The following FAM229B variants were observed in gnomAD, a reference collection of about 807,000 sequenced individuals.
The protein encoded by FAM229B is family with sequence similarity 229 member B.
In FAM229B, 2 loss-of-function variants were observed where a neutral mutation model predicts 6.7. That is an observed-to-expected ratio of 0.30 (90% CI 0.12 to 0.94). The LOEUF (loss-of-function observed/expected upper bound fraction) is 0.94, where lower values mean the gene tolerates loss of function less well. Among genes scored for constraint, FAM229B ranks in the 40% least tolerant of loss-of-function variants. FAM229B has a pLI of 0.54. For synonymous variants in FAM229B, 29 were observed against 34.0 expected (o/e 0.85, Z 0.51); for missense variants, 93 against 96.2 (o/e 0.97, Z 0.14).
At chr6:112,089,941 C>G (rs1390303239) in intron 1 of FAM229B, among the ~76,000 whole-genome samples, 3 of 151,992 alleles carry the variant, frequency 2.0e-5, no homozygotes, top group Non-Finnish European at 4.4e-5. Flanking sequence ...AAAATCAACA[C>G]CAAGACATGC....
chr6:112,088,567 A>G (rs1372330982), intron 1 of FAM229B, among the ~76,000 whole-genome samples: 1 of 152,190 alleles, frequency 6.6e-6, no homozygotes, highest in African/African-American at 2.4e-5. Context: ...CCACCAAGAC[A>G]CGTAGTAGTT....
chr6:112,091,439 C>T (rs1197232521), intron 1 of FAM229B, among the ~76,000 whole-genome samples: 1 of 152,048 alleles, frequency 6.6e-6, no homozygotes, highest in African/African-American at 2.4e-5. Context: ...TCACATTCCC[C>T]GTATCTTGAG....
At chr6:112,096,237 A>G (rs1160807855) in intron 1 of FAM229B, among the ~76,000 whole-genome samples, 2 of 152,194 alleles carry the variant, frequency 1.3e-5, no homozygotes, top group Non-Finnish European at 2.9e-5. Flanking sequence ...CTCAGGGAAC[A>G]GAATAATGAG....
rs1777191704 is a variant in FAM229B at position 112,087,613 on chromosome 6, C to T, written c.-283C>T. 4 of 650,452 alleles carry T rather than the reference C, an allele frequency of 6.1e-6. No homozygotes were observed. The Admixed American group carries it at 8.8e-5, about 14-fold the overall frequency. The allele number at this position is 650,452 out of a possible 1,614,324, so 40.3% of individuals were successfully genotyped here. A position where few individuals can be genotyped will look rare whatever the true frequency, so the allele number is the denominator to read the frequency against. On this transcript the variant is annotated 5_prime_UTR_variant, in exon 1 of 4. Coordinates refer to ENST00000368656, the MANE Select transcript of FAM229B (RefSeq NM_001033564.3). Reference sequence around the variant, plus strand: ...TCCGTCAGAAGGCCGCGCAAGTGCACTTGCGTGTCACCGTTACCGTAGCGA... The same window carrying T: ...TCCGTCAGAAGGCCGCGCAAGTGCATTTGCGTGTCACCGTTACCGTAGCGA...
intron 1 of FAM229B, among the ~76,000 whole-genome samples, chr6:112,094,260 C>A (rs6927565): frequency 6.6e-6 from 1 of 151,764 alleles, no homozygotes; most frequent in Non-Finnish European, 1.5e-5. Context: ...TCAATGAAAC[C>A]TAAATATGTG....
chr6:112,095,764 C>T (rs1261756130), intron 1 of FAM229B, among the ~76,000 whole-genome samples: 1 of 143,914 alleles, frequency 6.9e-6, no homozygotes, highest in Non-Finnish European at 1.5e-5. Context: ...TAAACTATTA[C>T]ATTTTTTGCC....
Position 112,088,987 on chromosome 6 carries a change from G to T in FAM229B, c.-176+1267G>T, listed in dbSNP as rs587608040. Reference sequence around the variant, plus strand: ...GAGAATCAGACTGAGAGACAGTTCTGCTTAAGAGCCAAGCAAGGTAGAGCC... The same window carrying T: ...GAGAATCAGACTGAGAGACAGTTCTTCTTAAGAGCCAAGCAAGGTAGAGCC... On this transcript the variant is annotated intron_variant, in intron 1 of 3. Coordinates refer to ENST00000368656, the MANE Select transcript of FAM229B (RefSeq NM_001033564.3). Among the ~76,000 whole-genome samples, 48 of 152,228 alleles carry T rather than the reference G, an allele frequency of 3.2e-4. 1 individual carries two copies. The highest frequency in any genetic ancestry group is 1.1e-3 in the African/African-American group (47 of 41,530).
chr6:112,090,627 T>C (rs1777245803), intron 1 of FAM229B, among the ~76,000 whole-genome samples: 1 of 152,158 alleles, frequency 6.6e-6, no homozygotes. Context: ...ACATGATACA[T>C]GTCCATTGAG....
chr6:112,097,970 G>A (rs1554318838), intron 2 of FAM229B, among the ~76,000 whole-genome samples: 1 of 152,176 alleles, frequency 6.6e-6, no homozygotes, highest in Non-Finnish European at 1.5e-5. Context: ...ATTTGACAAT[G>A]TCTATAGACA....
intron 1 of FAM229B, among the ~76,000 whole-genome samples, chr6:112,095,679 A>G (rs200046438): frequency 0.21 from 25,544 of 119,886 alleles, 1,476 homozygotes; most frequent in African/African-American, 0.27. Flanking sequence ...AAAAAAAAAG[A>G]AAAAAAAAAA....
In FAM229B at chr6:112,100,788, C is replaced by G. The variant is rs781812206; in HGVS notation, c.*1C>G. The G allele has an allele frequency of 6.2e-7, 1 of 1,605,540 alleles. No individual in the cohort carries two copies. Among genetic ancestry groups the G allele is most frequent in the South Asian group, 1.1e-5 (1 of 90,898 alleles). On this transcript the variant is annotated 3_prime_UTR_variant, in exon 4 of 4. Transcript: ENST00000368656. ...CAGCAAGGAAATGCATCCTAAATAG[C>G]ACCATTAAGTCTTTTGTCAAGGTCT... is the stretch of plus-strand genomic sequence containing the variant.
intron 1 of FAM229B, among the ~76,000 whole-genome samples, chr6:112,090,519 T>A (rs1407312388): frequency 6.6e-6 from 1 of 152,178 alleles, no homozygotes; most frequent in African/African-American, 2.4e-5. Context: ...TACCTAAGTC[T>A]GGACCAAAGT....
At chr6:112,096,879 G>A (rs1777333255) in intron 1 of FAM229B, among the ~76,000 whole-genome samples, 162 bp from the exon 2 acceptor site, 1 of 152,140 alleles carries the variant, frequency 6.6e-6, no homozygotes, top group Non-Finnish European at 1.5e-5. Context: ...TACTACAGGT[G>A]GATTAGACTG....
At chr6:112,097,351 TATC>T (rs1411430431) in intron 2 of FAM229B, 150 bp downstream of exon 2, 12 of 152,236 alleles carry the variant, frequency 7.9e-5, no homozygotes, top group Admixed American at 4.6e-4. Flanking sequence ...CTATAAAAGT[TATC>T]ATATTCAAAT....
chr6:112,099,530 AAGTT>A (rs1777368700), intron 3 of FAM229B, 122 bp downstream of exon 3: 1 of 980,862 alleles, frequency 1.0e-6, no homozygotes, highest in South Asian at 2.2e-5. Flanking sequence ...TGTTGTTTCT[AAGTT>A]AGCGTATTAA....
At position 112,099,408 on chromosome 6, in the gene FAM229B, G is replaced by C; in HGVS notation, c.125G>C (p.Arg42Thr). ...ACNGKEMSPT[R>T]QLRRCPGSHC... Reference sequence around the variant, plus strand: ...AATGGGAAGGAGATGTCACCAACCAGGTAAAGTCTTCTGTCCTCACAAGTG... The same window carrying C: ...AATGGGAAGGAGATGTCACCAACCACGTAAAGTCTTCTGTCCTCACAAGTG... Residue 42 changes from arginine to threonine, a missense_variant and splice_region_variant, in exon 3 of 4, where the codon AGG becomes ACG. By Grantham distance (71) the Arg-to-Thr change is moderately conservative. Coordinates refer to ENST00000368656, the MANE Select transcript of FAM229B (RefSeq NM_001033564.3). 1 of 1,612,280 alleles carries C rather than the reference G, an allele frequency of 6.2e-7. No individual in the cohort carries two copies. The highest frequency in any genetic ancestry group is 8.5e-7 in the Non-Finnish European group (1 of 1,179,174).
intron 1 of FAM229B, among the ~76,000 whole-genome samples, chr6:112,091,579 A>C (rs1197133276): frequency 6.6e-6 from 1 of 152,192 alleles, no homozygotes; most frequent in Non-Finnish European, 1.5e-5. Context: ...CCAAGCCTCC[A>C]AAGAACCAGG....
At chr6:112,097,528 G>A (rs1477582981) in intron 2 of FAM229B, among the ~76,000 whole-genome samples, 1 of 151,478 alleles carries the variant, frequency 6.6e-6, no homozygotes, top group African/African-American at 2.4e-5. Flanking sequence ...AATACATTGT[G>A]TACTAATAGC....
At position 112,100,821 on chromosome 6, in the gene FAM229B, T is replaced by C; in HGVS notation, c.*34T>C. ...AGTCTTTTGTCAAGGTCTGACTAGG[T>C]CAAGGGTAATGGACCAGTATCATCT... On this transcript the variant is annotated 3_prime_UTR_variant, in exon 4 of 4. Transcript: ENST00000368656. The C allele has an allele frequency of 6.8e-7, 1 of 1,472,184 alleles. No homozygotes were observed. The highest frequency in any genetic ancestry group is 9.5e-7 in the Non-Finnish European group (1 of 1,051,250). 91.2% of individuals were successfully genotyped at this position (1,472,184 alleles called of 1,614,324 possible). A position where few individuals can be genotyped will look rare whatever the true frequency, so the allele number is the denominator to read the frequency against.
Sources: allele counts gnomAD v4.1 joint callset (sites outside exome capture counted in the v4.1 genomes callset), GRCh38; gene constraint gnomAD v4.1.1; transcripts MANE v1.5; gene names NCBI Gene and HGNC (gene_info 2026-07-23, HGNC 2026-07-21).